The following SPAG1 variants were observed in gnomAD, a reference collection of about 807,000 sequenced individuals.
The protein encoded by SPAG1 is sperm-associated antigen 1.
Under a neutral mutation model 100.5 loss-of-function variants are expected in SPAG1, and 69 were observed. That is an observed-to-expected ratio of 0.69 (90% CI 0.57 to 0.84). The LOEUF is 0.84. SPAG1 is among the 40% of genes least tolerant of loss of function. The pLI, the probability that SPAG1 is intolerant of heterozygous loss-of-function variation, is 0.00. For missense variants in SPAG1, 955 were observed against 1,133.1 expected (o/e 0.84, Z 2.26); for synonymous variants, 336 against 411.6 (o/e 0.82, Z 2.22).
intron 10 of SPAG1, among the ~76,000 whole-genome samples, chr8:100,196,993 A>G (rs1391800740): frequency 6.6e-6 from 1 of 151,920 alleles, no homozygotes; most frequent in Non-Finnish European, 1.5e-5. Flanking sequence ...TGGGCCAAAG[A>G]TTCTCCCACC....
chr8:100,176,325 T>C (rs1478528284), intron 3 of SPAG1, among the ~76,000 whole-genome samples: 3 of 152,256 alleles, frequency 2.0e-5, no homozygotes, highest in Non-Finnish European at 2.9e-5. Flanking sequence ...TTTTCTGGAA[T>C]CATATTAGAG....
At chr8:100,184,439 A>G (rs1300186897) in intron 6 of SPAG1, among the ~76,000 whole-genome samples, 189 bp from the exon 7 acceptor site, 1 of 152,148 alleles carries the variant, frequency 6.6e-6, no homozygotes, top group African/African-American at 2.4e-5. Flanking sequence ...AAAATTCTGA[A>G]TCCTCAAAAC....
intron 4 of SPAG1, among the ~76,000 whole-genome samples, chr8:100,183,160 AC>A (rs1816438802): frequency 6.6e-6 from 1 of 151,912 alleles, no homozygotes; most frequent in African/African-American, 2.4e-5. Flanking sequence ...TTTAGTAGAG[AC>A]GGGGTTTCAC....
Position 100,231,039 on chromosome 8 carries a change from C to G in SPAG1, c.1856-117C>G, listed in dbSNP as rs182848825. 2.9e-3 allele frequency: 2,155 copies of G among 752,314 alleles called. 4 individuals are homozygous for G. The highest frequency in any genetic ancestry group is 7.1e-3 in the Middle Eastern group (16 of 2,244). 46.6% of individuals were successfully genotyped at this position (752,314 alleles called of 1,614,324 possible). The stretch of plus-strand genomic sequence containing the variant: ...AGTTTTGTTCTAGTTAGATTTTCAC[C>G]CTGCATGCTGTGTGGTCAAGTTAAT... On this transcript the variant is annotated intron_variant, in intron 14 of 18. Coordinates refer to ENST00000388798, the MANE Select transcript of SPAG1 (RefSeq NM_003114.5).
At chr8:100,228,027 A>G (rs549075583) in intron 14 of SPAG1, among the ~76,000 whole-genome samples, 145 of 151,818 alleles carry the variant, frequency 9.6e-4, no homozygotes, top group Non-Finnish European at 1.7e-3. Context: ...TATTTTTTAT[A>G]GAGACAGGAT....
chr8:100,224,470 A>C (rs758451640), intron 13 of SPAG1, among the ~76,000 whole-genome samples: 1 of 152,200 alleles, frequency 6.6e-6, no homozygotes, highest in Non-Finnish European at 1.5e-5. Context: ...TGAACCCGGG[A>C]GGCAGAGGTT....
intron 8 of SPAG1, among the ~76,000 whole-genome samples, chr8:100,188,402 A>C (rs1586437625): frequency 6.6e-6 from 1 of 151,604 alleles, no homozygotes; most frequent in South Asian, 2.1e-4. Flanking sequence ...TGATCTGCCC[A>C]CCTCGACCTC....
At chr8:100,220,530 T>C in intron 13 of SPAG1, 99 bp downstream of exon 13, 1 of 999,320 alleles carries the variant, frequency 1.0e-6, no homozygotes, top group Non-Finnish European at 1.5e-6. Flanking sequence ...GTGTTATCAG[T>C]TACTTTTATC....
At position 100,240,461 on chromosome 8, in the gene SPAG1, T is replaced by C. The variant is rs755897469; in HGVS notation, c.2339T>C (p.Leu780Pro). The C allele has an allele frequency of 6.2e-7, 1 of 1,613,976 alleles. No homozygotes were observed. The highest frequency in any genetic ancestry group is 1.7e-5 in the Admixed American group (1 of 60,006). Reference protein sequence around the residue: ...RPAGEVSMGCLASEKGGKSSR... With the variant: ...RPAGEVSMGCPASEKGGKSSR... ...GCAGGGGAGGTCTCCATGGGATGCC[T>C]TGCTTCTGAGAAGGGAGGCAAAAGC... The change falls in exon 18 of 19, where the codon CTT becomes CCT. Residue 780 changes from leucine (L) to proline (P), a missense_variant. Leu to Pro is a moderately conservative substitution (Grantham distance 98). Transcript: ENST00000388798.
At chr8:100,204,338 A>G (rs934095934) in intron 10 of SPAG1, among the ~76,000 whole-genome samples, 4 of 152,194 alleles carry the variant, frequency 2.6e-5, no homozygotes, top group African/African-American at 9.7e-5. Flanking sequence ...ACACTCAAAA[A>G]TAACTGTTTG....
intron 8 of SPAG1, among the ~76,000 whole-genome samples, chr8:100,188,754 A>C (rs1262094791): frequency 1.3e-5 from 2 of 152,136 alleles, no homozygotes; most frequent in East Asian, 3.9e-4. Flanking sequence ...TTTCACATGG[A>C]ATGTATCCCT....
At chr8:100,192,691 G>A (rs1453462574) in intron 9 of SPAG1, among the ~76,000 whole-genome samples, 2 of 152,106 alleles carry the variant, frequency 1.3e-5, no homozygotes, top group African/African-American at 4.8e-5. Flanking sequence ...TTAGGTTTAG[G>A]TTTAGGGCCT....
intron 14 of SPAG1, among the ~76,000 whole-genome samples, chr8:100,227,945 C>T (rs1352331872): frequency 6.9e-6 from 1 of 144,590 alleles, no homozygotes; most frequent in African/African-American, 2.6e-5. Context: ...CTCCTGGGTT[C>T]AGGCAGTCTT....
At chr8:100,227,185 A>G (rs902972154) in intron 14 of SPAG1, among the ~76,000 whole-genome samples, 4 of 152,248 alleles carry the variant, frequency 2.6e-5, no homozygotes, top group Admixed American at 2.6e-4. Flanking sequence ...ATGGCTGTGT[A>G]ATGCAGGTGC....
intron 10 of SPAG1, among the ~76,000 whole-genome samples, 191 bp from the exon 11 acceptor site, chr8:100,212,899 C>T (rs1465520989): frequency 6.6e-6 from 1 of 151,978 alleles, no homozygotes; most frequent in Non-Finnish European, 1.5e-5. Context: ...CCGCAGGGGG[C>T]CTCGAGGGAG....
chr8:100,225,521 G>A (rs1381293723), intron 14 of SPAG1, among the ~76,000 whole-genome samples, 182 bp downstream of exon 14: 1 of 152,144 alleles, frequency 6.6e-6, no homozygotes, highest in East Asian at 1.9e-4. Context: ...CCAGGCTGGA[G>A]TGCAGTGGTG....
At chr8:100,231,096 T>G (rs1818746714) in intron 14 of SPAG1, 60 bp from the exon 15 acceptor site, 3 of 1,461,776 alleles carry the variant, frequency 2.1e-6, no homozygotes, top group Non-Finnish European at 2.8e-6. Context: ...TAGTTGTACT[T>G]AAGATTTTAT....
chr8:100,183,467 A>G (rs765858964), intron 5 of SPAG1, 31 bp downstream of exon 5: 1 of 1,142,622 alleles, frequency 8.8e-7, no homozygotes, highest in Non-Finnish European at 1.3e-6. Context: ...TATAAAATGT[A>G]TCACTAAAAA....
rs112595077 is a variant in SPAG1, at chr8:100,161,678, C to G, written c.-2-601C>G. On this transcript the variant is annotated intron_variant, in intron 1 of 18. Coordinates refer to ENST00000388798, the MANE Select transcript of SPAG1 (RefSeq NM_003114.5). ...GGAGGGTCTGAAGGAACTCCCCAAACCTCTGTGATTTAGCAGGAGACAAGA... is the reference window on the plus strand; with the variant it reads ...GGAGGGTCTGAAGGAACTCCCCAAAGCTCTGTGATTTAGCAGGAGACAAGA... 6.0e-3 allele frequency among the ~76,000 whole-genome samples: 921 copies of G among 152,308 alleles called. 14 individuals carry two copies. The highest frequency in any genetic ancestry group is 0.022 in the African/African-American group (894 of 41,556).
Sources: gnomAD v4.1 joint callset for allele counts (sites outside exome capture counted in the v4.1 genomes callset) on GRCh38, gnomAD v4.1.1 for gene constraint, MANE v1.5 for transcripts, NCBI Gene and HGNC (gene_info 2026-07-23, HGNC 2026-07-21) for gene names.